The following LCT variants were observed in gnomAD, a reference collection of about 807,000 sequenced individuals.
The protein encoded by LCT is lactase.
In LCT, 90 loss-of-function variants were observed where a neutral mutation model predicts 173.0. The ratio of observed to expected loss-of-function variants is 0.52; its 90% CI spans 0.44 to 0.62. The LOEUF (loss-of-function observed/expected upper bound fraction) is 0.62. Ranked by LOEUF, LCT falls within the 20% of genes least tolerant of loss-of-function variation. LCT has a pLI of 0.00. For synonymous variants in LCT, 853 were observed against 957.6 expected (o/e 0.89, Z 2.02); for missense variants, 1,864 against 2,431.4 (o/e 0.77, Z 4.91).
intron 1 of LCT, among the ~76,000 whole-genome samples, chr2:135,835,354 C>A (rs565537661): frequency 7.3e-5 from 11 of 151,248 alleles, no homozygotes; most frequent in African/African-American, 2.7e-4. Flanking sequence ...TGGCCTCAAG[C>A]AATCCCCCTG....
intron 4 of LCT, chr2:135,822,472 G>A (rs1392866023): frequency 4.5e-6 from 1 of 224,152 alleles, no homozygotes; most frequent in Non-Finnish European, 8.9e-6. Flanking sequence ...CCACAACTTT[G>A]GGAACAATTG....
chr2:135,794,641 C>G lies in LCT; in HGVS notation c.5111G>C (p.Arg1704Thr), dbSNP rs2077563864. ...CCGGGCTCCCTGTTGGTGGACTTACCTGTCTGCATCAAAAGAAGAGATGGC... is the reference window on the plus strand; with the variant it reads ...CCGGGCTCCCTGTTGGTGGACTTACGTGTCTGCATCAAAAGAAGAGATGGC... ...ATAISSFDAD[R>T]GVASIADRSW... The change falls in exon 14 of 17, where the codon AGA becomes ACA. Residue 1704 changes from arginine (R) to threonine (T), a missense_variant and splice_region_variant. Physicochemically the swap from Arg to Thr is moderately conservative, Grantham distance 71. Transcript: ENST00000264162. 1 of 1,613,882 alleles carries G rather than the reference C, an allele frequency of 6.2e-7. No individual in the cohort carries two copies. The highest frequency in any genetic ancestry group is 2.2e-5 in the East Asian group (1 of 44,894).
At position 135,813,324 on chromosome 2, in the gene LCT, T is replaced by C. The variant is rs756799537; in HGVS notation, c.1708-368A>G. ...GATGTCAACAACATCAATACCAACA[T>C]GAACGGCATCAACAAGTGAACACCA... On this transcript the variant is annotated intron_variant, in intron 6 of 16. Transcript: ENST00000264162. Among the ~76,000 whole-genome samples the C allele has an allele frequency of 2.6e-4, 40 of 152,230 alleles. 1 individual carries two copies. Among genetic ancestry groups the C allele is most frequent in the Middle Eastern group, 3.4e-3 (1 of 294 alleles).
Position 135,798,152 on chromosome 2 carries a change from G to T in LCT, c.4867-14C>A, listed in dbSNP as rs756858680. On this transcript the variant is annotated splice_polypyrimidine_tract_variant and intron_variant, in intron 12 of 16. Coordinates refer to ENST00000264162, the MANE Select transcript of LCT (RefSeq NM_002299.4). ...GCCTCCCATGAACTGCGGGTAGGGTGGGGGAGACAGCCCAGGCGTTACAGG... is the reference window on the plus strand; with the variant it reads ...GCCTCCCATGAACTGCGGGTAGGGTTGGGGAGACAGCCCAGGCGTTACAGG... 1.4e-6 allele frequency: 2 copies of T among 1,398,802 alleles called. No individual in the cohort carries two copies. Among genetic ancestry groups the T allele is most frequent in the South Asian group, 1.1e-5 (1 of 87,572 alleles). The allele number at this position is 1,398,802 out of a possible 1,614,324, so 86.6% of individuals were successfully genotyped here.
In LCT at chr2:135,790,146, T is replaced by A. The variant is rs1575329001; in HGVS notation, c.5336-348A>T. Among the ~76,000 whole-genome samples the A allele has an allele frequency of 6.6e-6, 1 of 152,240 alleles. No homozygotes were observed. The highest frequency in any genetic ancestry group is 1.9e-4 in the East Asian group (1 of 5,200). On this transcript the variant is annotated intron_variant, in intron 15 of 16. Transcript: ENST00000264162. This position sits in a 1 kb window ranked among gnomAD's most constrained non-coding sequence, Gnocchi z 4.1. ...TGCTTCTCCCTGTAGAAAATAGCCC[T>A]TAGATAGAATATATTTCAGCTGGGT... is the stretch of plus-strand genomic sequence containing the variant.
chr2:135,808,778 G>A lies in LCT; in HGVS notation c.3569C>T (p.Thr1190Ile). Residue 1190 changes from threonine (T) to isoleucine (I), a missense_variant, in exon 8 of 17, where the codon ACT (threonine) becomes ATT (isoleucine). Coordinates refer to ENST00000264162, the MANE Select transcript of LCT (RefSeq NM_002299.4). ...CCTGATGAACCTCTTCTCTTCCTCAGTGAAGCTTGGCAGGCGGGAGGTGGC... is the reference window on the plus strand; with the variant it reads ...CCTGATGAACCTCTTCTCTTCCTCAATGAAGCTTGGCAGGCGGGAGGTGGC... The part of the protein sequence containing the change: ...HLATSRLPSF[T>I]EEEKRFIRAT... 1 of 1,613,806 alleles carries A rather than the reference G, an allele frequency of 6.2e-7. No individual in the cohort carries two copies. The highest frequency in any genetic ancestry group is 8.5e-7 in the Non-Finnish European group (1 of 1,179,682).
intron 3 of LCT, among the ~76,000 whole-genome samples, chr2:135,824,791 T>A (rs2077870337): frequency 6.6e-6 from 1 of 151,776 alleles, no homozygotes; most frequent in Non-Finnish European, 1.5e-5. Flanking sequence ...TCACCTGAGG[T>A]CAGGAGTTTG....
chr2:135,817,386 G>A lies in LCT; in HGVS notation c.1662C>T (p.Gly554=), dbSNP rs2077788364. The stretch of plus-strand genomic sequence containing the variant: ...GGTCAGAGATGCCGGGAGGGTGCTG[G>A]CCGGTGCCATAGCCTGCGTAGCTCA... ...WVMSYAGYGT[G]QHPPGISDPG... is the part of the protein sequence containing the mutation. Residue 554 remains glycine, a synonymous_variant, in exon 6 of 17, where the codon GGC becomes GGT. Transcript: ENST00000264162. 6.2e-7 allele frequency: 1 copy of A among 1,614,140 alleles called. No homozygotes were observed.
chr2:135,837,045 T>G lies in LCT; in HGVS notation c.125A>C (p.Asn42Thr), dbSNP rs754021855. 6.2e-7 allele frequency: 1 copy of G among 1,614,094 alleles called. No individual in the cohort carries two copies. The highest frequency in any genetic ancestry group is 8.5e-7 in the Non-Finnish European group (1 of 1,180,020). The change falls in exon 1 of 17, where the codon AAC becomes ACC. Residue 42 changes from asparagine to threonine, a missense_variant. Asn to Thr is a moderately conservative substitution (Grantham distance 65). Coordinates refer to ENST00000264162, the MANE Select transcript of LCT (RefSeq NM_002299.4). Reference sequence around the variant, plus strand: ...CTGGTCTCCCAGGAGACCACTCAGGTTGTGCAGCAAGTCATTGGTTAGAGG... The same window carrying G: ...CTGGTCTCCCAGGAGACCACTCAGGGTGTGCAGCAAGTCATTGGTTAGAGG... Reference protein sequence around the residue: ...AGPLTNDLLHNLSGLLGDQSS... With the variant: ...AGPLTNDLLHTLSGLLGDQSS...
Position 135,812,824 on chromosome 2 carries a change from G to A in LCT, c.1840C>T (p.Pro614Ser), listed in dbSNP as rs1197477247. The change falls in exon 7 of 17, where the codon CCT (proline) becomes TCT (serine). Residue 614 changes from proline (P) to serine (S), a missense_variant. Coordinates refer to ENST00000264162, the MANE Select transcript of LCT (RefSeq NM_002299.4). Reference sequence around the variant, plus strand: ...CGCTCAGAGGCTCTCAGGTCCTCAGGCCTCTCTGGAGACAGGGGTTCTGCC... The same window carrying A: ...CGCTCAGAGGCTCTCAGGTCCTCAGACCTCTCTGGAGACAGGGGTTCTGCC... ...DWAEPLSPER[P>S]EDLRASERFL... The A allele has an allele frequency of 1.2e-6, 2 of 1,614,206 alleles. No homozygotes were observed. The highest frequency in any genetic ancestry group is 1.1e-5 in the South Asian group (1 of 91,082).
rs553107814 is a variant in LCT, at chr2:135,804,596, C to T, written c.4464+171G>A. Among the ~76,000 whole-genome samples the T allele has an allele frequency of 4.6e-5, 7 of 152,276 alleles. No homozygotes were observed. In the East Asian group the frequency reaches 9.7e-4, roughly 21 times the overall value. ...ACTCTGGAGGCTGAGAAACGAGATC[C>T]GCCACTGCACTCCAGCCTGGGTGAC... is the stretch of plus-strand genomic sequence containing the variant. On this transcript the variant is annotated intron_variant, in intron 10 of 16. Coordinates refer to ENST00000264162, the MANE Select transcript of LCT (RefSeq NM_002299.4).
intron 13 of LCT, among the ~76,000 whole-genome samples, chr2:135,796,107 C>G (rs1287389551): frequency 6.6e-6 from 1 of 152,168 alleles, no homozygotes; most frequent in Non-Finnish European, 1.5e-5. Context: ...AGTGAAAAGC[C>G]TCTCCTGTAG....
intron 2 of LCT, among the ~76,000 whole-genome samples, 154 bp from the exon 3 acceptor site, chr2:135,829,830 A>AGTGT (rs60681905): frequency 0.071 from 10,348 of 146,110 alleles, 760 homozygotes; most frequent in African/African-American, 0.18. Context: ...GGAATGAGAA[A>AGTGT]GTGTGTGTGT....
At chr2:135,789,937 A>T in intron 15 of LCT, 139 bp from the exon 16 acceptor site, 1 of 741,288 alleles carries the variant, frequency 1.3e-6, no homozygotes. Flanking sequence ...TAGCTCTGTG[A>T]GAAAGCTGCC....
rs2077505588 is a variant in LCT at position 135,788,075 on chromosome 2, A to T, written c.*249T>A. On this transcript the variant is annotated 3_prime_UTR_variant, in exon 17 of 17. Transcript: ENST00000264162. Reference sequence around the variant, plus strand: ...TCACAGACCCACTAGACCAGTATCTACACGTTTCCGCAAGAGCTACTTGCT... The same window carrying T: ...TCACAGACCCACTAGACCAGTATCTTCACGTTTCCGCAAGAGCTACTTGCT... The T allele has an allele frequency of 2.6e-5, 14 of 531,888 alleles. No individual in the cohort carries two copies. The East Asian group carries it at 4.4e-4, about 17-fold the overall frequency. 32.9% of individuals were successfully genotyped at this position (531,888 alleles called of 1,614,324 possible).
rs755544778 is a variant in LCT at position 135,809,605 on chromosome 2, G to A, written c.2742C>T (p.Ser914=). 1.9e-5 allele frequency: 30 copies of A among 1,614,094 alleles called. No homozygotes were observed. The highest frequency in any genetic ancestry group is 1.6e-4 in the East Asian group (7 of 44,894). ...RDDFLWGVSS[S]AYQIEGAWDA... ...CCCACGCGCCTTCAATCTGATAAGC[G>A]GAAGAGGACACGCCCCACAGAAAGT... Residue 914 remains serine, a synonymous_variant, in exon 8 of 17, where the codon TCC becomes TCT. Coordinates refer to ENST00000264162, the MANE Select transcript of LCT (RefSeq NM_002299.4). This position sits in a 1 kb window ranked among gnomAD's most constrained non-coding sequence, Gnocchi z 5.5.
intron 7 of LCT, among the ~76,000 whole-genome samples, chr2:135,811,902 A>G (rs2105536965): frequency 6.6e-6 from 1 of 151,540 alleles, no homozygotes; most frequent in East Asian, 1.9e-4. Context: ...GGCAATGTGA[A>G]GAGACCCCAT....
In LCT at chr2:135,807,174, C is replaced by T. The variant is rs536128206; in HGVS notation, c.4127G>A (p.Arg1376Gln). The change falls in exon 9 of 17, where the codon CGG becomes CAG. Residue 1376 changes from arginine (R) to glutamine (Q), a missense_variant. Around this residue, in one of 4 missense-constraint regions of LCT, gnomAD observed 514 missense variants for 750.1 expected, o/e 0.69. Coordinates refer to ENST00000264162, the MANE Select transcript of LCT (RefSeq NM_002299.4). ...LAREDEFLYG[R>Q]FPEGFIWSAA... ...ACTCCAGATGAAGCCCTCAGGAAAC[C>T]GTCCGTACAGAAACTCATCCTCCCT... 5.6e-5 allele frequency: 91 copies of T among 1,614,216 alleles called. No homozygotes were observed. In the South Asian group the frequency reaches 7.8e-4, roughly 14 times the overall value.
In LCT at chr2:135,789,695, C is replaced by G. The variant is rs1194009226; in HGVS notation, c.5439G>C (p.Val1813=). ...TTGGCAGAGAAGGGTCACTGTAGTT[C>G]ACAAAATGCAGACCAAATCTCTCTG... ...GFSERFGLHF[V]NYSDPSLPRI... is the part of the protein sequence containing the mutation. The change falls in exon 16 of 17, where the codon GTG becomes GTC. Residue 1813 remains valine, a synonymous_variant. Transcript: ENST00000264162. 1 of 1,614,158 alleles carries G rather than the reference C, an allele frequency of 6.2e-7. No homozygotes were observed. Among genetic ancestry groups the G allele is most frequent in the Admixed American group, 1.7e-5 (1 of 60,030 alleles).
Sources: gnomAD v4.1 joint callset for allele counts (sites outside exome capture counted in the v4.1 genomes callset) on GRCh38, gnomAD v4.1.1 for gene constraint, gnomAD v4.1.1 regional missense constraint, Gnocchi (gnomAD v3.1) non-coding constraint, MANE v1.5 for transcripts, NCBI Gene and HGNC (gene_info 2026-07-23, HGNC 2026-07-21) for gene names.